The following EXOC3 variants were observed in gnomAD, a reference collection of about 807,000 sequenced individuals.
EXOC3 encodes exocyst complex component 3.
EXOC3 carries 21 observed loss-of-function variants against 73.7 expected under a neutral mutation model. That is an observed-to-expected ratio of 0.29 (90% CI 0.20 to 0.41). The LOEUF (loss-of-function observed/expected upper bound fraction) is 0.41. EXOC3 is among the 10% of genes least tolerant of loss of function. The probability of loss-of-function intolerance (pLI) is 1.00; values close to 1 mark genes in which losing one functional copy is unlikely to be tolerated. For missense variants in EXOC3, 842 were observed against 985.1 expected, an observed-to-expected ratio of 0.85 and a Z score of 1.95; for synonymous variants, 410 against 389.1, an observed-to-expected ratio of 1.05 and a Z score of -0.63.
chr5:462,203 G>C lies in EXOC3; in HGVS notation c.1549G>C (p.Glu517Gln), dbSNP rs896590272. 3.1e-6 allele frequency: 5 copies of C among 1,613,872 alleles called. No individual in the cohort carries two copies. Among genetic ancestry groups the C allele is most frequent in the Non-Finnish European group, 2.5e-6 (3 of 1,179,898 alleles). ...AAGAAAGTATTTAAAGAATGAAGTG[G>C]AAGAGGGTGTGTCTCCGAGCCAGCC... ...LKRKYLKNEV[E>Q]EGVSPSQPSM... The change falls in exon 9 of 13, where the codon GAA becomes CAA. Residue 517 changes from glutamate (E) to glutamine (Q), a missense_variant. Coordinates refer to ENST00000512944, the MANE Select transcript of EXOC3 (RefSeq NM_007277.5).
At chr5:455,997 C>T (rs529477270) in intron 4 of EXOC3, among the ~76,000 whole-genome samples, 6 of 152,326 alleles carry the variant, frequency 3.9e-5, no homozygotes, top group African/African-American at 1.2e-4. Flanking sequence ...CCTGTTCTTG[C>T]GGATGCGTTT....
At chr5:443,436 A>C (rs1409118993) in intron 1 of EXOC3, 146 bp downstream of exon 1, 1 of 152,396 alleles carries the variant, frequency 6.6e-6, no homozygotes, top group Non-Finnish European at 1.5e-5. Context: ...GCCGTTCCGG[A>C]CCCCGTGGAG....
chr5:452,965 C>T (rs746270460), intron 3 of EXOC3, among the ~76,000 whole-genome samples: 13 of 152,202 alleles, frequency 8.5e-5, no homozygotes, highest in Admixed American at 3.9e-4. Flanking sequence ...GGCCACTTAC[C>T]TCTTCGCACC....
chr5:448,292 A>T (rs1223056093), intron 3 of EXOC3, among the ~76,000 whole-genome samples: 1 of 152,178 alleles, frequency 6.6e-6, no homozygotes, highest in Non-Finnish European at 1.5e-5. Context: ...AGTTAGAAGG[A>T]TGCCAAGGGC....
intron 10 of EXOC3, 87 bp downstream of exon 10, chr5:464,499 CT>C (rs1048669734): frequency 9.8e-6 from 14 of 1,431,200 alleles, no homozygotes; most frequent in Non-Finnish European, 1.2e-5. Flanking sequence ...CAGCGAGTCC[CT>C]CCGTGAGTGA....
chr5:446,822 AT>A (rs1339973424), intron 2 of EXOC3, among the ~76,000 whole-genome samples: 1 of 151,406 alleles, frequency 6.6e-6, no homozygotes, highest in African/African-American at 2.4e-5. Flanking sequence ...GTGCCATTGC[AT>A]TCCAGCCTGG....
chr5:454,165 G>A (rs985115126), intron 4 of EXOC3, 114 bp downstream of exon 4: 91 of 835,534 alleles, frequency 1.1e-4, no homozygotes, highest in South Asian at 4.5e-4. Context: ...CAGGTGCTCC[G>A]AGCCCACAGC....
chr5:458,110 G>C, intron 6 of EXOC3, 85 bp downstream of exon 6: 6 of 1,395,690 alleles, frequency 4.3e-6, no homozygotes, highest in Non-Finnish European at 4.9e-6. Context: ...ACAGATACCT[G>C]GGATCTTCAT....
Position 462,314 on chromosome 5 carries a change from C to T in EXOC3, c.1653+7C>T. The T allele has an allele frequency of 1.2e-6, 2 of 1,613,800 alleles. No individual in the cohort carries two copies. The highest frequency in any genetic ancestry group is 1.6e-4 in the Middle Eastern group (1 of 6,062). On this transcript the variant is annotated splice_region_variant and intron_variant, in intron 9 of 12. Transcript: ENST00000512944. ...GGTCTTCCTGGACCTGGAGGTGGGC[C>T]TGGCTCTTTCCTCCTGCCGTTTTCT...
rs142582698 is a variant in EXOC3 at position 451,385 on chromosome 5, C to T, written c.365-1985C>T. 1.8e-3 allele frequency among the ~76,000 whole-genome samples: 280 copies of T among 152,170 alleles called. 13 individuals are homozygous for T. Among genetic ancestry groups the T allele is most frequent in the East Asian group, 0.018 (95 of 5,176 alleles). ...AATTACATCTTTATATATCATGTGT[C>T]CAAAATCATAGACTAATAATTGTTT... On this transcript the variant is annotated intron_variant, in intron 3 of 12. Coordinates refer to ENST00000512944, the MANE Select transcript of EXOC3 (RefSeq NM_007277.5).
At chr5:447,157 C>T (rs1279820500) in intron 2 of EXOC3, 5 of 168,912 alleles carry the variant, frequency 3.0e-5, no homozygotes, top group African/African-American at 9.5e-5. Context: ...CTAGACAAGA[C>T]CTTTTAGGAA....
chr5:450,201 G>A (rs1013225121), intron 3 of EXOC3, among the ~76,000 whole-genome samples: 2 of 152,190 alleles, frequency 1.3e-5, no homozygotes, highest in Non-Finnish European at 2.9e-5. Flanking sequence ...AGCCGAGATC[G>A]CACCACTGCA....
chr5:444,584 G>A (rs1022782546), intron 1 of EXOC3, among the ~76,000 whole-genome samples: 1 of 152,218 alleles, frequency 6.6e-6, no homozygotes, highest in African/African-American at 2.4e-5. Context: ...GAAAACAAAA[G>A]TGTGCACCTA....
At chr5:448,176 C>A (rs72717436) in intron 3 of EXOC3, among the ~76,000 whole-genome samples, 40,233 of 152,188 alleles carry the variant, frequency 0.26, 6,945 homozygotes, top group Non-Finnish European at 0.39. Context: ...TTGAGGCGAG[C>A]AGCAGCTCCC....
intron 1 of EXOC3, 130 bp from the exon 2 acceptor site, chr5:446,020 A>T: frequency 3.2e-6 from 2 of 632,390 alleles, no homozygotes; most frequent in Non-Finnish European, 5.6e-6. Context: ...TCCTCATCCT[A>T]GTTCAGCTTT....
rs756173353 is a variant in EXOC3, at chr5:453,747, A to T, written c.742A>T (p.Met248Leu). Residue 248 changes from methionine to leucine, a missense_variant, in exon 4 of 13, where the codon ATG becomes TTG. By Grantham distance (15) the Met-to-Leu change is conservative. Transcript: ENST00000512944. ...PGRPKNWKEK[M>L]FTILERTVTT... ...GAGGCCCAAGAATTGGAAGGAGAAA[A>T]TGTTCACCATCTTGGAGAGGACTGT... is the stretch of plus-strand genomic sequence containing the variant. 6.2e-7 allele frequency: 1 copy of T among 1,613,940 alleles called. No homozygotes were observed. Among genetic ancestry groups the T allele is most frequent in the Non-Finnish European group, 8.5e-7 (1 of 1,179,898 alleles).
intron 7 of EXOC3, among the ~76,000 whole-genome samples, chr5:461,308 T>G (rs552704030): frequency 6.6e-6 from 1 of 152,362 alleles, no homozygotes; most frequent in Admixed American, 6.5e-5. Flanking sequence ...TTTATATTTT[T>G]TAATTGTTTT....
At chr5:456,826 C>A in intron 4 of EXOC3, 63 bp from the exon 5 acceptor site, 1 of 1,261,868 alleles carries the variant, frequency 7.9e-7, no homozygotes, top group African/African-American at 1.5e-5. Context: ...AGTCTCGGCA[C>A]ACTTGGGCAT....
At chr5:453,297 C>G (rs1737707515) in intron 3 of EXOC3, 73 bp from the exon 4 acceptor site, 1 of 1,199,176 alleles carries the variant, frequency 8.3e-7, no homozygotes, top group East Asian at 2.6e-5. Flanking sequence ...TGCCGTGTTC[C>G]CAGAACACCG....
Sources: gnomAD v4.1 joint callset for allele counts (sites outside exome capture counted in the v4.1 genomes callset) on GRCh38, gnomAD v4.1.1 for gene constraint, MANE v1.5 for transcripts, NCBI Gene and HGNC (gene_info 2026-07-23, HGNC 2026-07-21) for gene names.